Variants in LNX2 observed in about 807,000 individuals in gnomAD.
LNX2 encodes ligand of numb-protein X 2.
Under a neutral mutation model 66.2 loss-of-function variants are expected in LNX2, and 35 were observed. The observed-to-expected ratio is 0.53, with a 90% CI of 0.40 to 0.70. The LOEUF is 0.70. Among genes scored for constraint, LNX2 ranks in the 30% least tolerant of loss-of-function variants. LNX2 has a pLI of 0.00. For missense variants in LNX2, 791 were observed against 850.8 expected (o/e 0.93, Z 0.87); for synonymous variants, 337 against 315.6 (o/e 1.07, Z -0.72).
chr13:27,560,017 G>T, intron 5 of LNX2, 32 bp from the exon 6 acceptor site: 1 of 1,520,224 alleles, frequency 6.6e-7, no homozygotes, highest in South Asian at 1.3e-5. Context: ...TACCATAAGT[G>T]ACTAATGATG....
intron 4 of LNX2, 70 bp downstream of exon 4, chr13:27,567,570 A>G (rs1955221866): frequency 7.3e-7 from 1 of 1,366,104 alleles, no homozygotes; most frequent in Non-Finnish European, 1.0e-6. Flanking sequence ...AAACAGCACA[A>G]TTTTCTAAGG....
intron 1 of LNX2, among the ~76,000 whole-genome samples, chr13:27,592,151 G>T (rs1955551730): frequency 1.3e-5 from 2 of 152,146 alleles, no homozygotes; most frequent in Admixed American, 1.3e-4. Flanking sequence ...ACAGATCATT[G>T]GCTGCTATGT....
chr13:27,603,238 A>G (rs1955677633), intron 1 of LNX2, among the ~76,000 whole-genome samples: 1 of 152,216 alleles, frequency 6.6e-6, no homozygotes, highest in African/African-American at 2.4e-5. Context: ...AAAAAAGAAC[A>G]CTGTCAATGT....
chr13:27,606,991 TTC>T (rs1955724167), intron 1 of LNX2, among the ~76,000 whole-genome samples: 1 of 152,330 alleles, frequency 6.6e-6, no homozygotes, highest in South Asian at 2.1e-4. Flanking sequence ...ACTGCTTCAT[TTC>T]TGTTTCAAAA....
At chr13:27,577,860 G>C (rs186434915) in intron 2 of LNX2, among the ~76,000 whole-genome samples, 2 of 152,326 alleles carry the variant, frequency 1.3e-5, no homozygotes, top group East Asian at 3.9e-4. Flanking sequence ...GGAGATGAGT[G>C]GTAGAGCGTA....
intron 8 of LNX2, among the ~76,000 whole-genome samples, chr13:27,551,101 C>T (rs990952668): frequency 6.6e-6 from 1 of 152,046 alleles, no homozygotes. Flanking sequence ...CTGAAAAACA[C>T]TAACAAAAAA....
In LNX2 at chr13:27,548,480, G is replaced by C; in HGVS notation, c.1938-10C>G. 6.2e-7 allele frequency: 1 copy of C among 1,607,168 alleles called. No individual in the cohort carries two copies. The highest frequency in any genetic ancestry group is 8.5e-7 in the Non-Finnish European group (1 of 1,177,826). On this transcript the variant is annotated splice_polypyrimidine_tract_variant and intron_variant, in intron 9 of 9. Transcript: ENST00000316334. ...AATCATGTCACCACACCTGGACAAA[G>C]AGAGACAGATACAGAATGTTACTAT...
At chr13:27,578,573 G>A (rs374417725) in intron 2 of LNX2, among the ~76,000 whole-genome samples, 1 of 152,102 alleles carries the variant, frequency 6.6e-6, no homozygotes, top group Admixed American at 6.5e-5. Context: ...AACAGAGAAG[G>A]GATGCCAGGC....
intron 1 of LNX2, among the ~76,000 whole-genome samples, chr13:27,593,861 G>C (rs150847642): frequency 0.011 from 1,671 of 151,334 alleles, 27 homozygotes; most frequent in African/African-American, 0.038. Context: ...CTCCCAAAGT[G>C]CTGGGATTAC....
At chr13:27,576,543 C>G (rs1955341654) in intron 2 of LNX2, among the ~76,000 whole-genome samples, 3 of 148,150 alleles carry the variant, frequency 2.0e-5, no homozygotes, top group Non-Finnish European at 4.5e-5. Flanking sequence ...ATGGCAAGAC[C>G]CCGTCTCTAC....
intron 4 of LNX2, among the ~76,000 whole-genome samples, chr13:27,564,376 T>TCAATA (rs61688384): frequency 0.35 from 27,099 of 78,524 alleles, 2,468 homozygotes; most frequent in African/African-American, 0.43. Flanking sequence ...TATTTTTTTA[T>TCAATA]CAATCAACAG....
rs756660569 is a variant in LNX2 at position 27,553,244 on chromosome 13, C to T, written c.1742G>A (p.Trp581Ter). Residue 581 changes from tryptophan to a stop codon, truncating the protein, a stop_gained, in exon 8 of 10, where the codon TGG (tryptophan) becomes TAG (stop). Coordinates refer to ENST00000316334, the MANE Select transcript of LNX2 (RefSeq NM_153371.4). LOFTEE classifies it high-confidence loss of function. ...TFSENEYDAS[W>*]SPSWVMWLGL... Reference sequence around the variant, plus strand: ...AAGCCACATGACCCATGATGGGGACCAACTGGCATCATACTCATTTTCGCT... The same window carrying T: ...AAGCCACATGACCCATGATGGGGACTAACTGGCATCATACTCATTTTCGCT... 1 of 1,614,084 alleles carries T rather than the reference C, an allele frequency of 6.2e-7. No homozygotes were observed. Among genetic ancestry groups the T allele is most frequent in the Non-Finnish European group, 8.5e-7 (1 of 1,180,020 alleles).
chr13:27,589,885 C>A (rs1297930618), intron 1 of LNX2, among the ~76,000 whole-genome samples: 1 of 152,248 alleles, frequency 6.6e-6, no homozygotes, highest in African/African-American at 2.4e-5. Flanking sequence ...AGAAAGACTT[C>A]TCCAGCACCT....
At chr13:27,549,945 C>T (rs1817941946) in intron 9 of LNX2, among the ~76,000 whole-genome samples, 2 of 152,294 alleles carry the variant, frequency 1.3e-5, no homozygotes, top group African/African-American at 2.4e-5. Context: ...CTCAATGTCA[C>T]ATCACAACGT....
At chr13:27,593,532 C>T (rs1162890818) in intron 1 of LNX2, among the ~76,000 whole-genome samples, 5 of 149,744 alleles carry the variant, frequency 3.3e-5, no homozygotes, top group Admixed American at 3.3e-4. Flanking sequence ...TCACTAACGT[C>T]TCTCTCCTTG....
intron 1 of LNX2, among the ~76,000 whole-genome samples, chr13:27,608,845 T>C (rs833094): frequency 0.63 from 95,953 of 151,312 alleles, 31,156 homozygotes; most frequent in Non-Finnish European, 0.69. Flanking sequence ...TGTTCTGTCA[T>C]CCAGGCTGGA....
At chr13:27,551,001 T>C (rs1054349838) in intron 8 of LNX2, among the ~76,000 whole-genome samples, 1 of 152,240 alleles carries the variant, frequency 6.6e-6, no homozygotes, top group African/African-American at 2.4e-5. Context: ...AGGCTTTTAG[T>C]CTACATGAGG....
At chr13:27,564,920 C>T (rs1955186465) in intron 4 of LNX2, among the ~76,000 whole-genome samples, 1 of 152,128 alleles carries the variant, frequency 6.6e-6, no homozygotes, top group Admixed American at 6.5e-5. Context: ...CTTTACTTGG[C>T]TCCAACACAC....
intron 1 of LNX2, among the ~76,000 whole-genome samples, chr13:27,608,879 A>C (rs572860224): frequency 1.3e-5 from 2 of 151,818 alleles, no homozygotes; most frequent in Admixed American, 6.6e-5. Flanking sequence ...ATCTTGGCTC[A>C]CTGCAACCTC....
Sources: allele counts gnomAD v4.1 joint callset (sites outside exome capture counted in the v4.1 genomes callset), GRCh38; gene constraint gnomAD v4.1.1; transcripts MANE v1.5; gene names NCBI Gene and HGNC (gene_info 2026-07-23, HGNC 2026-07-21).